TBC1D22B: variants seen among roughly 807,000 people sequenced by gnomAD.
TBC1D22B encodes chromosome 6 open reading frame 197.
A neutral mutation model predicts 69.1 loss-of-function variants in TBC1D22B; 32 were observed. The ratio of observed to expected loss-of-function variants is 0.46; its 90% CI spans 0.35 to 0.62. The LOEUF (loss-of-function observed/expected upper bound fraction) is 0.62, where lower values mean the gene tolerates loss of function less well. Ranked by LOEUF, TBC1D22B falls within the 20% of genes least tolerant of loss-of-function variation. The pLI is 0.00. For missense variants in TBC1D22B, 462 were observed against 630.9 expected (o/e 0.73, Z 2.87); for synonymous variants, 206 against 229.8 (o/e 0.90, Z 0.94).
intron 1 of TBC1D22B, among the ~76,000 whole-genome samples, chr6:37,267,984 CTT>C (rs747012344): frequency 1.3e-5 from 2 of 152,084 alleles, no homozygotes; most frequent in Non-Finnish European, 2.9e-5. Context: ...TTGATGTTCT[CTT>C]TGCCTCAAAT....
At chr6:37,276,778 C>A (rs1766683742) in intron 2 of TBC1D22B, among the ~76,000 whole-genome samples, 1 of 152,092 alleles carries the variant, frequency 6.6e-6, no homozygotes, top group Non-Finnish European at 1.5e-5. Context: ...GTAGTCCCAG[C>A]TACTCAGGAG....
At position 37,331,627 on chromosome 6, in the gene TBC1D22B, G is replaced by C. The variant is rs3734328; in HGVS notation, c.*455G>C. 0.11 allele frequency: 16,153 copies of C among 152,960 alleles called. 2,204 individuals carry two copies. The highest frequency in any genetic ancestry group is 0.32 in the African/African-American group (13,162 of 41,264). 9.5% of individuals were successfully genotyped at this position (152,960 alleles called of 1,614,324 possible). On this transcript the variant is annotated 3_prime_UTR_variant, in exon 13 of 13. Transcript: ENST00000373491. ...CTTCCCTCTTCCTGGTTTCCTAGCC[G>C]TTCCCCTTCTGCCCCAGTCTGAGCC... is the stretch of plus-strand genomic sequence containing the variant.
At chr6:37,284,498 A>C in intron 6 of TBC1D22B, 34 bp downstream of exon 6, 1 of 1,534,068 alleles carries the variant, frequency 6.5e-7, no homozygotes, top group South Asian at 1.3e-5. Flanking sequence ...TTTGCTTACC[A>C]GTCATATACT....
intron 10 of TBC1D22B, among the ~76,000 whole-genome samples, 187 bp downstream of exon 10, chr6:37,314,078 T>TG (rs916010424): frequency 6.6e-6 from 1 of 152,152 alleles, no homozygotes; most frequent in African/African-American, 2.4e-5. Flanking sequence ...ACTGTGCTGT[T>TG]ATATCAAGTT....
intron 6 of TBC1D22B, among the ~76,000 whole-genome samples, chr6:37,285,802 A>G (rs1478660583): frequency 6.6e-6 from 1 of 152,076 alleles, no homozygotes; most frequent in Non-Finnish European, 1.5e-5. Flanking sequence ...TTGTAATTTT[A>G]GTGGAGACGG....
intron 5 of TBC1D22B, among the ~76,000 whole-genome samples, chr6:37,283,732 G>A (rs1766917809): frequency 6.6e-6 from 1 of 152,168 alleles, no homozygotes; most frequent in Admixed American, 6.5e-5. Context: ...AATGAGAGTG[G>A]GATCTAGACC....
chr6:37,325,477 C>G (rs1206452391), intron 12 of TBC1D22B, among the ~76,000 whole-genome samples: 1 of 151,846 alleles, frequency 6.6e-6, no homozygotes, highest in African/African-American at 2.4e-5. Flanking sequence ...TTCTCTGCCC[C>G]TAGATAAAAG....
intron 8 of TBC1D22B, among the ~76,000 whole-genome samples, chr6:37,307,529 T>C (rs984359791): frequency 1.3e-5 from 2 of 152,088 alleles, no homozygotes; most frequent in Non-Finnish European, 2.9e-5. Context: ...CTAATTTTTA[T>C]ATTTTTGGTA....
chr6:37,289,596 A>C (rs1767115346), intron 7 of TBC1D22B, among the ~76,000 whole-genome samples: 1 of 152,178 alleles, frequency 6.6e-6, no homozygotes, highest in Admixed American at 6.5e-5. Flanking sequence ...CAAGGATTTG[A>C]GTATTTACAA....
chr6:37,297,739 T>C (rs948593287), intron 8 of TBC1D22B, among the ~76,000 whole-genome samples: 3 of 152,232 alleles, frequency 2.0e-5, no homozygotes, highest in Non-Finnish European at 4.4e-5. Context: ...TAAAGATATA[T>C]GCACATGTAT....
At chr6:37,309,240 C>G (rs1330345183) in intron 8 of TBC1D22B, among the ~76,000 whole-genome samples, 1 of 152,192 alleles carries the variant, frequency 6.6e-6, no homozygotes, top group African/African-American at 2.4e-5. Flanking sequence ...AGCTCTGCAG[C>G]CTGGCTTCAG....
chr6:37,277,734 C>T (rs1260805263), intron 2 of TBC1D22B, among the ~76,000 whole-genome samples: 2 of 152,156 alleles, frequency 1.3e-5, no homozygotes, highest in East Asian at 3.9e-4. Context: ...TCCCAAAGTG[C>T]TGGGATTACG....
intron 8 of TBC1D22B, among the ~76,000 whole-genome samples, chr6:37,306,992 G>C (rs1767740549): frequency 6.6e-6 from 1 of 152,188 alleles, no homozygotes; most frequent in Non-Finnish European, 1.5e-5. Context: ...CTCTCTCAGA[G>C]ACCAGCTCCC....
At chr6:37,307,305 T>G (rs576344798) in intron 8 of TBC1D22B, among the ~76,000 whole-genome samples, 9 of 152,284 alleles carry the variant, frequency 5.9e-5, no homozygotes, top group African/African-American at 2.2e-4. Flanking sequence ...TATTTTTTTA[T>G]TTTTCTCAGT....
intron 12 of TBC1D22B, among the ~76,000 whole-genome samples, chr6:37,322,122 A>G (rs530526084): frequency 3.9e-4 from 60 of 152,316 alleles, no homozygotes; most frequent in African/African-American, 1.4e-3. Flanking sequence ...AAGGAAGTGA[A>G]TGGAGCTTCT....
At chr6:37,302,658 A>T (rs1407195885) in intron 8 of TBC1D22B, among the ~76,000 whole-genome samples, 1 of 152,154 alleles carries the variant, frequency 6.6e-6, no homozygotes, top group East Asian at 1.9e-4. Flanking sequence ...TAGGATTTTC[A>T]CCGTAGATTT....
At position 37,275,248 on chromosome 6, in the gene TBC1D22B, C is replaced by T. The variant is rs142049928; in HGVS notation, c.114-4056C>T. On this transcript the variant is annotated intron_variant, in intron 2 of 12. Transcript: ENST00000373491. The stretch of plus-strand genomic sequence containing the variant: ...ACAGAAAGGGGTGACATTTCTCTTA[C>T]AAGGAGCCCATGCCTAGATGTGGCT... Among the ~76,000 whole-genome samples the T allele has an allele frequency of 1.9e-4, 29 of 152,268 alleles. 1 individual carries two copies. Among genetic ancestry groups the T allele is most frequent in the East Asian group, 7.7e-4 (4 of 5,186 alleles).
intron 8 of TBC1D22B, among the ~76,000 whole-genome samples, chr6:37,305,893 T>G (rs554735489): frequency 6.6e-6 from 1 of 152,302 alleles, no homozygotes; most frequent in South Asian, 2.1e-4. Flanking sequence ...GTTGTTAGTT[T>G]GGAGGGAATT....
At chr6:37,294,373 A>G (rs1331262158) in intron 8 of TBC1D22B, among the ~76,000 whole-genome samples, 1 of 152,120 alleles carries the variant, frequency 6.6e-6, no homozygotes, top group Non-Finnish European at 1.5e-5. Context: ...GGGTCTTGGT[A>G]TGTTGCCCAG....
Sources: gnomAD v4.1 joint callset for allele counts (sites outside exome capture counted in the v4.1 genomes callset) on GRCh38, gnomAD v4.1.1 for gene constraint, MANE v1.5 for transcripts, NCBI Gene and HGNC (gene_info 2026-07-23, HGNC 2026-07-21) for gene names.